Variants in NR2F1-AS1 observed in about 807,000 individuals in gnomAD.
NR2F1-AS1 encodes NR2F1 antisense RNA 1.
At chr5:93,464,043 G>A (rs1361221905) in intron 4 of NR2F1-AS1, among the ~76,000 whole-genome samples, 2 of 152,104 alleles carry the variant, frequency 1.3e-5, no homozygotes, top group Non-Finnish European at 2.9e-5. Context: ...GATTTCGGAG[G>A]GGCCAGAGGT....
chr5:93,517,813 CT>C (rs1400069441), intron 4 of NR2F1-AS1, among the ~76,000 whole-genome samples: 10 of 151,982 alleles, frequency 6.6e-5, no homozygotes, highest in Admixed American at 5.9e-4. Flanking sequence ...GCCACCAATA[CT>C]TTTATGCCAT....
chr5:93,467,540 T>G (rs1002452755), intron 4 of NR2F1-AS1, among the ~76,000 whole-genome samples: 1 of 152,346 alleles, frequency 6.6e-6, no homozygotes, highest in Non-Finnish European at 1.5e-5. Flanking sequence ...AAGTCCCAAC[T>G]ACTGCCATCA....
At chr5:93,415,713 CTGT>C (rs1296340620) in intron 4 of NR2F1-AS1, among the ~76,000 whole-genome samples, 2 of 152,204 alleles carry the variant, frequency 1.3e-5, no homozygotes, top group African/African-American at 4.8e-5. Context: ...CTGTCCCTGC[CTGT>C]TATTATTGCA....
At chr5:93,423,996 G>A (rs1749144348) in intron 4 of NR2F1-AS1, among the ~76,000 whole-genome samples, 1 of 152,026 alleles carries the variant, frequency 6.6e-6, no homozygotes, top group African/African-American at 2.4e-5. Flanking sequence ...TCACCTGGGG[G>A]ACATATTTTT....
intron 3 of NR2F1-AS1, among the ~76,000 whole-genome samples, chr5:93,554,284 T>C (rs930276888): frequency 4.6e-5 from 7 of 152,218 alleles, no homozygotes; most frequent in Non-Finnish European, 7.3e-5. Flanking sequence ...AAATATTCTC[T>C]ATACCATTAA....
intron 4 of NR2F1-AS1, among the ~76,000 whole-genome samples, chr5:93,446,163 C>T (rs928530368): frequency 6.6e-6 from 1 of 152,094 alleles, no homozygotes; most frequent in Non-Finnish European, 1.5e-5. Context: ...CCCTCTCTCA[C>T]CACTCCTATT....
intron 4 of NR2F1-AS1, chr5:93,409,937 G>A (rs930419188): frequency 1.3e-5 from 2 of 152,106 alleles, no homozygotes; most frequent in African/African-American, 4.8e-5. Context: ...TAAGAAGTCT[G>A]TTGATGATGT....
At chr5:93,440,942 A>G (rs538867015) in intron 4 of NR2F1-AS1, among the ~76,000 whole-genome samples, 2 of 152,314 alleles carry the variant, frequency 1.3e-5, no homozygotes, top group South Asian at 4.1e-4. Flanking sequence ...CCTTTACTCC[A>G]AAAACCCAAT....
At chr5:93,415,525 A>G (rs1343653292) in intron 4 of NR2F1-AS1, among the ~76,000 whole-genome samples, 1 of 152,250 alleles carries the variant, frequency 6.6e-6, no homozygotes, top group Non-Finnish European at 1.5e-5. Flanking sequence ...GACCCAAATC[A>G]TAGAAAACAT....
intron 4 of NR2F1-AS1, among the ~76,000 whole-genome samples, chr5:93,525,691 G>C (rs1446897432): frequency 6.6e-6 from 1 of 152,126 alleles, no homozygotes; most frequent in Non-Finnish European, 1.5e-5. Context: ...TAGAACTCAG[G>C]ATTAAGAAAC....
chr5:93,473,021 G>C (rs1186808928), intron 4 of NR2F1-AS1, among the ~76,000 whole-genome samples: 4 of 151,856 alleles, frequency 2.6e-5, no homozygotes, highest in Non-Finnish European at 5.9e-5. Flanking sequence ...ATACCATTAA[G>C]ATGATTAAAC....
chr5:93,507,001 G>A (rs1326445071), intron 4 of NR2F1-AS1, among the ~76,000 whole-genome samples: 1 of 152,060 alleles, frequency 6.6e-6, no homozygotes, highest in African/African-American at 2.4e-5. Flanking sequence ...ACTTAACTGT[G>A]TCATAATCAA....
intron 4 of NR2F1-AS1, among the ~76,000 whole-genome samples, chr5:93,443,398 G>A (rs945112539): frequency 9.9e-5 from 15 of 152,230 alleles, no homozygotes; most frequent in East Asian, 3.9e-4. Flanking sequence ...ATTACGGGAC[G>A]CATGTACAAG....
intron 1 of NR2F1-AS1, among the ~76,000 whole-genome samples, chr5:93,569,712 T>C (rs895547979): frequency 3.9e-5 from 6 of 152,218 alleles, no homozygotes; most frequent in African/African-American, 1.4e-4. Flanking sequence ...TGTTATTACC[T>C]CTAAGATGAC....
At chr5:93,574,467 G>A (rs990309747) in intron 1 of NR2F1-AS1, among the ~76,000 whole-genome samples, 1 of 152,098 alleles carries the variant, frequency 6.6e-6, no homozygotes, top group Non-Finnish European at 1.5e-5. Flanking sequence ...TCATGACCCT[G>A]GGCCACCACA....
intron 4 of NR2F1-AS1, among the ~76,000 whole-genome samples, chr5:93,423,962 G>A (rs1749143455): frequency 6.6e-6 from 1 of 152,084 alleles, no homozygotes; most frequent in Non-Finnish European, 1.5e-5. Flanking sequence ...AAACCCACAA[G>A]GATTGAGGAG....
chr5:93,561,044 C>T (rs1314580864), intron 2 of NR2F1-AS1, among the ~76,000 whole-genome samples: 2 of 152,128 alleles, frequency 1.3e-5, no homozygotes, highest in Admixed American at 6.5e-5. Context: ...GATACCGAGG[C>T]GGGCAGATCA....
At chr5:93,563,173 G>T (rs893564959) in intron 2 of NR2F1-AS1, among the ~76,000 whole-genome samples, 4 of 152,132 alleles carry the variant, frequency 2.6e-5, no homozygotes, top group African/African-American at 7.2e-5. Context: ...ATTATATATG[G>T]GCAAGAAAGT....
At chr5:93,538,345 G>C (rs1217516187) in intron 4 of NR2F1-AS1, among the ~76,000 whole-genome samples, 1 of 152,048 alleles carries the variant, frequency 6.6e-6, no homozygotes, top group East Asian at 1.9e-4. Context: ...ATGGTGGCAT[G>C]GGCCTGTAGT....
Sources: gnomAD v4.1 joint callset for allele counts (sites outside exome capture counted in the v4.1 genomes callset) on GRCh38, gnomAD v4.1.1 for gene constraint, MANE v1.5 for transcripts, NCBI Gene and HGNC (gene_info 2026-07-23, HGNC 2026-07-21) for gene names.